The following SCGB1C1 variants were observed in gnomAD, a reference collection of about 807,000 sequenced individuals.
The protein encoded by SCGB1C1 is ligand binding protein RYD5.
Under a neutral mutation model 8.9 loss-of-function variants are expected in SCGB1C1, and 2 were observed. The ratio of observed to expected loss-of-function variants is 0.23; its 90% CI spans 0.09 to 0.71. The LOEUF is 0.71. SCGB1C1 is among the 30% of genes least tolerant of loss of function. The pLI, the probability that SCGB1C1 is intolerant of heterozygous loss-of-function variation, is 0.78. For synonymous variants in SCGB1C1, 6 were observed against 45.8 expected, an observed-to-expected ratio of 0.13 and a Z score of 3.51; for missense variants, 25 against 112.7, an observed-to-expected ratio of 0.22 and a Z score of 3.52.
upstream of SCGB1C1, among the ~76,000 whole-genome samples, chr11:191,757 C>T (rs1854811063): frequency 6.6e-6 from 1 of 152,304 alleles, no homozygotes; most frequent in Admixed American, 6.5e-5. Context: ...TTTTCATTGC[C>T]AGTGGAACAC....
Position 194,536 on chromosome 11 carries a change from T to C in SCGB1C1, c.*86T>C, listed in dbSNP as rs373621046. The C allele has an allele frequency of 1.2e-4, 68 of 584,478 alleles. No homozygotes were observed. The highest frequency in any genetic ancestry group is 1.1e-3 in the African/African-American group (55 of 49,110). 36.2% of individuals were successfully genotyped at this position (584,478 alleles called of 1,614,324 possible). ...CCCACTACCACCTCCCACATGGAAA[T>C]GTATCCTCAAACCGTTTAATCAATA... On this transcript the variant is annotated 3_prime_UTR_variant, in exon 3 of 3. Transcript: ENST00000342878.
At chr11:192,155 C>G (rs2948212), upstream of SCGB1C1, among the ~76,000 whole-genome samples, 5 of 144,074 alleles carry the variant, frequency 3.5e-5, no homozygotes, top group African/African-American at 1.0e-4. Flanking sequence ...TGGCCCAGGG[C>G]CATGTGGATG....
chr11:190,443 A>G (rs1854778991), upstream of SCGB1C1, among the ~76,000 whole-genome samples: 1 of 151,142 alleles, frequency 6.6e-6, no homozygotes, highest in African/African-American at 2.4e-5. Context: ...GAGGCAATAC[A>G]AAGATGGCAG....
upstream of SCGB1C1, among the ~76,000 whole-genome samples, chr11:190,353 A>C (rs1427360861): frequency 7.6e-6 from 1 of 131,748 alleles, no homozygotes; most frequent in African/African-American, 2.6e-5. Context: ...AGTTCTGTAA[A>C]TTCAAACTGA....
chr11:193,679 T>C (rs201801776), intron 1 of SCGB1C1, 33 bp from the exon 2 acceptor site: 32 of 1,610,324 alleles, frequency 2.0e-5, no homozygotes, highest in Non-Finnish European at 2.6e-5. Context: ...AGTCACCCTG[T>C]CCTGTCCTGG....
chr11:191,759 G>C (rs1199128854), upstream of SCGB1C1, among the ~76,000 whole-genome samples: 8 of 152,306 alleles, frequency 5.3e-5, no homozygotes, highest in African/African-American at 1.7e-4. Flanking sequence ...TTCATTGCCA[G>C]TGGAACACAG....
chr11:191,981 C>A (rs1399183810), upstream of SCGB1C1, among the ~76,000 whole-genome samples: 3 of 152,388 alleles, frequency 2.0e-5, no homozygotes, highest in East Asian at 3.9e-4. Flanking sequence ...CTTACTGTAA[C>A]TATAATCTTC....
chr11:194,330 C>T (rs1351769874), intron 2 of SCGB1C1, 88 bp from the exon 3 acceptor site: 19 of 1,194,294 alleles, frequency 1.6e-5, no homozygotes, highest in Non-Finnish European at 2.2e-5. Flanking sequence ...CAGACCCCCC[C>T]CCACTGAGGG....
At chr11:191,643 G>A (rs1303305004), upstream of SCGB1C1, among the ~76,000 whole-genome samples, 2 of 149,948 alleles carry the variant, frequency 1.3e-5, no homozygotes, top group Admixed American at 1.3e-4. Flanking sequence ...CCACAATGTG[G>A]TTACAATTGA....
upstream of SCGB1C1, among the ~76,000 whole-genome samples, chr11:189,941 CG>C: frequency 6.6e-6 from 1 of 150,616 alleles, no homozygotes; most frequent in African/African-American, 2.5e-5. Flanking sequence ...GCAGCACGCC[CG>C]CCTGCTGGCA....
chr11:190,686 G>A (rs1854785085), upstream of SCGB1C1, among the ~76,000 whole-genome samples: 1 of 152,308 alleles, frequency 6.6e-6, no homozygotes, highest in African/African-American at 2.4e-5. Flanking sequence ...CCTCCTCACT[G>A]TTGGTTGAGG....
rs1478633228 is a variant in SCGB1C1, at chr11:194,517, A to G, written c.*67A>G. The G allele has an allele frequency of 8.6e-5, 50 of 578,248 alleles. No individual in the cohort carries two copies. The Admixed American group carries it at 1.4e-3, about 17-fold the overall frequency. 35.8% of individuals were successfully genotyped at this position (578,248 alleles called of 1,614,324 possible). ...AGCAGCCGTGGACACAACGCCCACTACCACCTCCCACATGGAAATGTATCC... is the reference window on the plus strand; with the variant it reads ...AGCAGCCGTGGACACAACGCCCACTGCCACCTCCCACATGGAAATGTATCC... On this transcript the variant is annotated 3_prime_UTR_variant, in exon 3 of 3. Transcript: ENST00000342878.
chr11:189,635 C>G (rs1452740598), upstream of SCGB1C1, among the ~76,000 whole-genome samples: 1 of 152,294 alleles, frequency 6.6e-6, no homozygotes, highest in African/African-American at 2.4e-5. Flanking sequence ...CGCAGAGACG[C>G]ACGTCCTCGG....
upstream of SCGB1C1, among the ~76,000 whole-genome samples, chr11:192,193 C>T (rs1854825973): frequency 6.0e-5 from 9 of 149,124 alleles, no homozygotes; most frequent in South Asian, 1.9e-3. Context: ...GCAGCAGGGG[C>T]CCTTTGGATT....
chr11:189,821 C>A (rs1449550750), upstream of SCGB1C1, among the ~76,000 whole-genome samples: 1 of 152,336 alleles, frequency 6.6e-6, no homozygotes, highest in East Asian at 1.9e-4. Context: ...GGCCAGCGCC[C>A]CCTGCTGGCG....
upstream of SCGB1C1, among the ~76,000 whole-genome samples, chr11:191,267 T>TA (rs1244701583): frequency 7.2e-6 from 1 of 139,044 alleles, no homozygotes; most frequent in Non-Finnish European, 1.6e-5. Flanking sequence ...ATCCTTACAC[T>TA]AAAAATGCAA....
At chr11:191,862 CCCCTAACCCTAACCCTAACCCTAACCCCT>C (rs1854817002), upstream of SCGB1C1, among the ~76,000 whole-genome samples, 2 of 27,350 alleles carry the variant, frequency 7.3e-5, no homozygotes, top group African/African-American at 2.5e-4. Context: ...TAACCCCTAA[CCCCTAACCCTAACCCTAACCCTAACCCCT>C]ACCCCTAACC....
chr11:193,931 C>G lies in SCGB1C1; in HGVS notation c.255+20C>G, dbSNP rs1339312364. 1 of 1,419,840 alleles carries G rather than the reference C, an allele frequency of 7.0e-7. No individual in the cohort carries two copies. Among genetic ancestry groups the G allele is most frequent in the Non-Finnish European group, 9.6e-7 (1 of 1,044,068 alleles). The allele number at this position is 1,419,840 out of a possible 1,614,324, so 88.0% of individuals were successfully genotyped here. A position where few individuals can be genotyped will look rare whatever the true frequency, so the allele number is the denominator to read the frequency against. On this transcript the variant is annotated intron_variant, in intron 2 of 2. Coordinates refer to ENST00000342878, the MANE Select transcript of SCGB1C1 (RefSeq NM_145651.3). ...CTGCTGGTATGAGGGCGGCGGGCAC[C>G]CCATTTTCTAAAGATCTGCAGCCTT...
chr11:189,646 G>T (rs1590061078), upstream of SCGB1C1, among the ~76,000 whole-genome samples: 2 of 152,278 alleles, frequency 1.3e-5, no homozygotes, highest in Non-Finnish European at 2.9e-5. Context: ...ACGTCCTCGG[G>T]GGCGCGGCGC....
Sources: gnomAD v4.1 joint callset for allele counts (sites outside exome capture counted in the v4.1 genomes callset) on GRCh38, gnomAD v4.1.1 for gene constraint, MANE v1.5 for transcripts, NCBI Gene and HGNC (gene_info 2026-07-23, HGNC 2026-07-21) for gene names.